RCBTB1: variants seen among roughly 807,000 people sequenced by gnomAD.
The protein encoded by RCBTB1 is RCC1 and BTB domain containing protein 1, also known as RCC1 and BTB domain-containing protein 1.
RCBTB1 carries 46 observed loss-of-function variants against 62.4 expected under a neutral mutation model. The ratio of observed to expected loss-of-function variants is 0.74; its 90% CI spans 0.58 to 0.94. The LOEUF (loss-of-function observed/expected upper bound fraction) is 0.94, where lower values mean the gene tolerates loss of function less well. RCBTB1 is among the 40% of genes least tolerant of loss of function. The pLI is 0.00. For synonymous variants in RCBTB1, 222 were observed against 245.8 expected, an observed-to-expected ratio of 0.90 and a Z score of 0.91; for missense variants, 565 against 654.9, an observed-to-expected ratio of 0.86 and a Z score of 1.50.
chr13:49,561,487 T>G (rs1019933549), intron 4 of RCBTB1, among the ~76,000 whole-genome samples: 1 of 152,216 alleles, frequency 6.6e-6, no homozygotes, highest in Non-Finnish European at 1.5e-5. Context: ...ATCCATGATA[T>G]TGTGTTAAAA....
intron 4 of RCBTB1, among the ~76,000 whole-genome samples, chr13:49,563,987 G>A (rs1328661143): frequency 2.0e-5 from 3 of 152,176 alleles, no homozygotes; most frequent in Non-Finnish European, 2.9e-5. Context: ...AAAAGCTGAG[G>A]ACCTCAGAGA....
At position 49,555,624 on chromosome 13, in the gene RCBTB1, G is replaced by T; in HGVS notation, c.494C>A (p.Thr165Lys). Residue 165 changes from threonine to lysine, a missense_variant, in exon 6 of 13, where the codon ACA (threonine) becomes AAA (lysine). Physicochemically the swap from Thr to Lys is moderately conservative, Grantham distance 78. Coordinates refer to ENST00000378302, the MANE Select transcript of RCBTB1 (RefSeq NM_018191.4). ...TTTTCGAGGAGTTGGTTGATTTGCT[G>T]TAGAACCTGATCCCACTTGGCCACA... ...NNCGQVGSGS[T>K]ANQPTPRKVT... The T allele has an allele frequency of 6.2e-7, 1 of 1,612,748 alleles. No individual in the cohort carries two copies. Among genetic ancestry groups the T allele is most frequent in the Middle Eastern group, 1.7e-4 (1 of 6,048 alleles).
chr13:49,579,270 C>T (rs1026417136), intron 2 of RCBTB1, among the ~76,000 whole-genome samples: 3 of 152,158 alleles, frequency 2.0e-5, no homozygotes, highest in African/African-American at 7.2e-5. Context: ...TATGTTATTG[C>T]CCCAGCTGCT....
intron 12 of RCBTB1, among the ~76,000 whole-genome samples, chr13:49,534,774 C>T (rs1959808795): frequency 6.6e-6 from 1 of 152,350 alleles, no homozygotes; most frequent in East Asian, 1.9e-4. Context: ...TGGCTCACGC[C>T]TGTAATCCCA....
intron 12 of RCBTB1, among the ~76,000 whole-genome samples, chr13:49,536,322 G>A (rs1226114380): frequency 6.6e-6 from 1 of 152,202 alleles, no homozygotes; most frequent in Non-Finnish European, 1.5e-5. Context: ...GGTGAGGGAC[G>A]TTTGAATTTG....
chr13:49,558,763 C>A (rs2139223396), intron 5 of RCBTB1, among the ~76,000 whole-genome samples: 1 of 144,338 alleles, frequency 6.9e-6, no homozygotes, highest in African/African-American at 2.6e-5. Context: ...CAATAAACAA[C>A]ACAGTCAAAC....
At chr13:49,576,749 G>T (rs56289138) in intron 2 of RCBTB1, among the ~76,000 whole-genome samples, 1 of 151,810 alleles carries the variant, frequency 6.6e-6, no homozygotes, top group Non-Finnish European at 1.5e-5. Flanking sequence ...AGCCTTCCAT[G>T]TTTTATTTAG....
At chr13:49,547,175 C>CAAAAAAAAA in intron 9 of RCBTB1, 1 of 1,087,356 alleles carries the variant, frequency 9.2e-7, no homozygotes, top group South Asian at 1.4e-5. Context: ...ATACTCACTG[C>CAAAAAAAAA]AAAAAAAAAA....
Position 49,551,328 on chromosome 13 carries a change from T to C in RCBTB1, c.852A>G (p.Glu284=). 1 of 1,614,138 alleles carries C rather than the reference T, an allele frequency of 6.2e-7. No individual in the cohort carries two copies. The highest frequency in any genetic ancestry group is 2.2e-5 in the East Asian group (1 of 44,878). ...AAGACGTGGCACAGCCAAGTTACCT[T>C]TCTTTCTCCACCATGATGTGTGCTG... ...LSPAHIMVEK[E]RVVEIAACHS... is the part of the protein sequence containing the mutation. The change falls in exon 8 of 13, where the codon GAA becomes GAG. Residue 284 remains glutamate (E), a splice_region_variant and synonymous_variant. Coordinates refer to ENST00000378302, the MANE Select transcript of RCBTB1 (RefSeq NM_018191.4).
At chr13:49,547,211 A>T in intron 9 of RCBTB1, 1 of 1,226,966 alleles carries the variant, frequency 8.2e-7, no homozygotes, top group African/African-American at 1.6e-5. Context: ...CCTAAAGAAC[A>T]TGGCAAAAAT....
At chr13:49,580,272 G>C (rs1964025234) in intron 2 of RCBTB1, among the ~76,000 whole-genome samples, 2 of 152,120 alleles carry the variant, frequency 1.3e-5, no homozygotes, top group Admixed American at 1.3e-4. Context: ...AAAAACCAAT[G>C]ATGGGTCAAA....
At chr13:49,558,358 G>T (rs771388444) in intron 5 of RCBTB1, among the ~76,000 whole-genome samples, 1 of 152,114 alleles carries the variant, frequency 6.6e-6, no homozygotes, top group Non-Finnish European at 1.5e-5. Flanking sequence ...GTTGGAAAAT[G>T]AATGAATGAA....
chr13:49,543,899 C>T (rs1960592204), intron 10 of RCBTB1, among the ~76,000 whole-genome samples: 1 of 152,098 alleles, frequency 6.6e-6, no homozygotes, highest in South Asian at 2.1e-4. Context: ...ATTGCCTAGG[C>T]TGGTCTCAGA....
chr13:49,568,939 A>T lies in RCBTB1; in HGVS notation c.-41-1619T>A, dbSNP rs369340030. Among the ~76,000 whole-genome samples the T allele has an allele frequency of 5.9e-5, 9 of 152,242 alleles. No homozygotes were observed. The East Asian group carries it at 1.5e-3, about 26-fold the overall frequency. ...CGAGACTCTGTCTCGAAAATAAAAA[A>T]TAATGATCAGAATAATTGCAACAAT... On this transcript the variant is annotated intron_variant, in intron 2 of 12. Coordinates refer to ENST00000378302, the MANE Select transcript of RCBTB1 (RefSeq NM_018191.4).
rs1566221938 is a variant in RCBTB1, at chr13:49,546,208, C to G, written c.1046-1345G>C. On this transcript the variant is annotated intron_variant, in intron 9 of 12. Transcript: ENST00000378302. ...CATCCAGTCTTAGGCTGAAATGACT[C>G]TTTCTCCTCTTTGCTCCTGGCAACA... The G allele has an allele frequency of 5.1e-6, 5 of 985,348 alleles. No individual in the cohort carries two copies. The African/African-American group carries it at 8.7e-5, about 17-fold the overall frequency. 61.0% of individuals were successfully genotyped at this position (985,348 alleles called of 1,614,324 possible). A position where few individuals can be genotyped will look rare whatever the true frequency, so the allele number is the denominator to read the frequency against.
intron 2 of RCBTB1, among the ~76,000 whole-genome samples, chr13:49,573,223 A>T (rs1383616362): frequency 1.3e-5 from 2 of 152,214 alleles, no homozygotes; most frequent in African/African-American, 4.8e-5. Context: ...ATTTTTCTAA[A>T]GTATAATATA....
intron 9 of RCBTB1, among the ~76,000 whole-genome samples, chr13:49,548,069 A>G (rs1433462271): frequency 6.6e-6 from 1 of 151,714 alleles, no homozygotes; most frequent in Non-Finnish European, 1.5e-5. Flanking sequence ...GTGAGCCACC[A>G]CACCCAGCCG....
chr13:49,540,823 C>G, intron 12 of RCBTB1, 53 bp downstream of exon 12: 1 of 1,573,742 alleles, frequency 6.4e-7, no homozygotes, highest in Non-Finnish European at 8.6e-7. Context: ...GCGGGGGAGA[C>G]GAGCACAAAG....
intron 4 of RCBTB1, among the ~76,000 whole-genome samples, chr13:49,565,824 G>A (rs1343351090): frequency 6.6e-6 from 1 of 152,114 alleles, no homozygotes; most frequent in Non-Finnish European, 1.5e-5. Flanking sequence ...GAATAGAAAA[G>A]GGGGAAATGT....
Sources: allele counts gnomAD v4.1 joint callset (sites outside exome capture counted in the v4.1 genomes callset), GRCh38; gene constraint gnomAD v4.1.1; transcripts MANE v1.5; gene names NCBI Gene and HGNC (gene_info 2026-07-23, HGNC 2026-07-21).